The following PBLD variants were observed in gnomAD, a reference collection of about 807,000 sequenced individuals.
PBLD encodes phenazine biosynthesis like protein domain containing, also known as phenazine biosynthesis-like domain-containing protein.
A neutral mutation model predicts 31.3 loss-of-function variants in PBLD; 26 were observed. That is an observed-to-expected ratio of 0.83 (90% CI 0.61 to 1.15). The LOEUF is 1.15. Among genes scored for constraint, PBLD ranks in the 50% most tolerant of loss-of-function variants. The pLI is 0.00. For synonymous variants in PBLD, 114 were observed against 129.0 expected (o/e 0.88, Z 0.79); for missense variants, 307 against 351.7 (o/e 0.87, Z 1.02).
Position 68,285,407 on chromosome 10 carries a change from G to A in PBLD, c.695C>T (p.Ser232Phe). The A allele has an allele frequency of 6.2e-7, 1 of 1,600,610 alleles. No individual in the cohort carries two copies. Among genetic ancestry groups the A allele is most frequent in the Non-Finnish European group, 8.5e-7 (1 of 1,175,984 alleles). Residue 232 changes from serine (S) to phenylalanine (F), a missense_variant, in exon 9 of 10, where the codon TCT (serine) becomes TTT (phenylalanine). Coordinates refer to ENST00000358769, the MANE Select transcript of PBLD (RefSeq NM_022129.4). Reference protein sequence around the residue: ...VGVAEDPVTGSAHAVLSSYWS... With the variant: ...VGVAEDPVTGFAHAVLSSYWS... ...GTAGCTGCTGAGAACAGCGTGTGCA[G>A]ACCCTCAAAAGAAGTGAAAAGTTAG... is the stretch of plus-strand genomic sequence containing the variant.
chr10:68,300,920 C>T (rs1024844259), intron 2 of PBLD, among the ~76,000 whole-genome samples: 8 of 152,060 alleles, frequency 5.3e-5, no homozygotes, highest in African/African-American at 1.2e-4. Context: ...TTTTTTGAGA[C>T]GGAATCTCGC....
At chr10:68,318,088 G>A (rs371325464) in intron 1 of PBLD, among the ~76,000 whole-genome samples, 22 of 151,926 alleles carry the variant, frequency 1.4e-4, no homozygotes, top group South Asian at 4.2e-4. Context: ...TTAGCCAGGC[G>A]TGGTGGCAGG....
chr10:68,314,982 G>T (rs1438314187), intron 1 of PBLD, among the ~76,000 whole-genome samples: 1 of 151,902 alleles, frequency 6.6e-6, no homozygotes, highest in African/African-American at 2.4e-5. Context: ...TTGAGACGGG[G>T]TTTCGCCATG....
At chr10:68,319,720 C>T (rs2044804302) in intron 1 of PBLD, among the ~76,000 whole-genome samples, 1 of 151,814 alleles carries the variant, frequency 6.6e-6, no homozygotes, top group Non-Finnish European at 1.5e-5. Context: ...GACTCCATCT[C>T]AAAAACAAAG....
Position 68,285,425 on chromosome 10 carries a change from A to C in PBLD, c.692-15T>G. The C allele has an allele frequency of 6.3e-7, 1 of 1,590,584 alleles. No individual in the cohort carries two copies. Among genetic ancestry groups the C allele is most frequent in the African/African-American group, 1.4e-5 (1 of 73,606 alleles). On this transcript the variant is annotated splice_polypyrimidine_tract_variant and intron_variant, in intron 8 of 9. Transcript: ENST00000358769. ...GTGTGCAGACCCTCAAAAGAAGTGA[A>C]AAGTTAGGAGACAATCCCCAAGAAA... is the stretch of plus-strand genomic sequence containing the variant.
intron 1 of PBLD, among the ~76,000 whole-genome samples, chr10:68,319,099 G>GAA (rs1305804151): frequency 1.6e-5 from 2 of 125,324 alleles, no homozygotes; most frequent in Non-Finnish European, 3.2e-5. Context: ...AAGAAAGAAA[G>GAA]AAAGAAAGAA....
intron 8 of PBLD, chr10:68,288,198 A>G: frequency 2.3e-6 from 1 of 429,352 alleles, no homozygotes; most frequent in East Asian, 4.2e-5. Flanking sequence ...GAGGGAACTG[A>G]GACTTTTAAA....
At chr10:68,312,512 C>T (rs1041802548) in intron 1 of PBLD, among the ~76,000 whole-genome samples, 5 of 151,512 alleles carry the variant, frequency 3.3e-5, no homozygotes, top group African/African-American at 1.2e-4. Flanking sequence ...GGATACTTTG[C>T]CTTTTGTCCA....
At chr10:68,296,819 A>G in intron 3 of PBLD, 67 bp downstream of exon 3, 1 of 1,368,006 alleles carries the variant, frequency 7.3e-7, no homozygotes, top group South Asian at 1.2e-5. Context: ...CAGTGAGTCA[A>G]GATCATGCCA....
At chr10:68,328,862 A>G (rs182922180) in intron 1 of PBLD, among the ~76,000 whole-genome samples, 26 of 151,912 alleles carry the variant, frequency 1.7e-4, no homozygotes, top group Non-Finnish European at 2.9e-4. Context: ...ATTTATGACT[A>G]TGTAGCGGTT....
At chr10:68,301,542 C>T (rs180676155) in intron 2 of PBLD, among the ~76,000 whole-genome samples, 15 of 152,280 alleles carry the variant, frequency 9.9e-5, no homozygotes, top group African/African-American at 2.9e-4. Context: ...CAGTGGTAAT[C>T]GAAAGGTGAT....
intron 1 of PBLD, chr10:68,331,284 ATAAAAAAAACCCAACGTCG>A (rs2045072541): frequency 6.6e-6 from 1 of 152,240 alleles, no homozygotes; most frequent in African/African-American, 2.4e-5. Context: ...ACGCAAAACT[ATAAAAAAAACCCAACGTCG>A]GCCTCCACAG....
At chr10:68,330,179 G>A (rs555253382) in intron 1 of PBLD, among the ~76,000 whole-genome samples, 16 of 152,100 alleles carry the variant, frequency 1.1e-4, no homozygotes, top group African/African-American at 3.9e-4. Flanking sequence ...TGGGCCATTG[G>A]GGGTATGTGA....
At chr10:68,307,627 G>A (rs946984484) in intron 1 of PBLD, among the ~76,000 whole-genome samples, 1 of 151,990 alleles carries the variant, frequency 6.6e-6, no homozygotes, top group Non-Finnish European at 1.5e-5. Flanking sequence ...AGCCTCCCGA[G>A]TAGGTGGGAC....
At chr10:68,288,792 A>G in intron 7 of PBLD, 131 bp from the exon 8 acceptor site, 2 of 1,258,920 alleles carry the variant, frequency 1.6e-6, no homozygotes, top group Non-Finnish European at 2.3e-6. Context: ...ACAAGTGGGA[A>G]TGTCTTCCTA....
chr10:68,284,469 C>T (rs537551627), intron 9 of PBLD, among the ~76,000 whole-genome samples, 180 bp from the exon 10 acceptor site: 1 of 152,328 alleles, frequency 6.6e-6, no homozygotes, highest in East Asian at 1.9e-4. Flanking sequence ...GAGAAAGCCA[C>T]AAACTCAATT....
chr10:68,284,632 G>C (rs1255754349), intron 9 of PBLD, among the ~76,000 whole-genome samples: 1 of 152,164 alleles, frequency 6.6e-6, no homozygotes, highest in Non-Finnish European at 1.5e-5. Flanking sequence ...TGAAACAATA[G>C]AGGCAGGCCT....
chr10:68,300,598 C>A (rs975975901), intron 2 of PBLD, among the ~76,000 whole-genome samples: 1 of 150,778 alleles, frequency 6.6e-6, no homozygotes, highest in South Asian at 2.1e-4. Context: ...CCCAGGTGAT[C>A]GTGTGCACAT....
Position 68,284,348 on chromosome 10 carries a change from A to G in PBLD, c.755-59T>C, listed in dbSNP as rs1489392901. The G allele has an allele frequency of 3.6e-6, 5 of 1,398,338 alleles. No individual in the cohort carries two copies. The Admixed American group carries it at 7.0e-5, about 20-fold the overall frequency. 86.6% of individuals were successfully genotyped at this position (1,398,338 alleles called of 1,614,324 possible). On this transcript the variant is annotated intron_variant, in intron 9 of 9. Transcript: ENST00000358769. ...TTTCACCCTTTTAAATTAACAAAGCATAGTGAAAGACTTATTACAAATCTT... is the reference window on the plus strand; with the variant it reads ...TTTCACCCTTTTAAATTAACAAAGCGTAGTGAAAGACTTATTACAAATCTT...
Sources: gnomAD v4.1 joint callset for allele counts (sites outside exome capture counted in the v4.1 genomes callset) on GRCh38, gnomAD v4.1.1 for gene constraint, MANE v1.5 for transcripts, NCBI Gene and HGNC (gene_info 2026-07-23, HGNC 2026-07-21) for gene names.